GRXCR1: variants seen among roughly 807,000 people sequenced by gnomAD.
The protein encoded by GRXCR1 is glutaredoxin and cysteine rich domain containing 1, also known as glutaredoxin domain-containing cysteine-rich protein 1.
GRXCR1 carries 27 observed loss-of-function variants against 27.3 expected under a neutral mutation model. The ratio of observed to expected loss-of-function variants is 0.99; its 90% CI spans 0.73 to 1.37. The LOEUF is 1.37. Ranked by LOEUF, GRXCR1 falls within the 40% of genes most tolerant of loss-of-function variation. The pLI, the probability that GRXCR1 is intolerant of heterozygous loss-of-function variation, is 0.00. For synonymous variants in GRXCR1, 122 were observed against 131.1 expected, an observed-to-expected ratio of 0.93 and a Z score of 0.47; for missense variants, 379 against 354.4, an observed-to-expected ratio of 1.07 and a Z score of -0.56.
At chr4:42,947,439 C>T (rs1747769787) in intron 1 of GRXCR1, among the ~76,000 whole-genome samples, 1 of 152,126 alleles carries the variant, frequency 6.6e-6, no homozygotes, top group Admixed American at 6.6e-5. Context: ...ATAATAATAT[C>T]TATTGCATAG....
intron 3 of GRXCR1, among the ~76,000 whole-genome samples, chr4:43,024,499 A>G (rs1306770360): frequency 8.4e-5 from 4 of 47,850 alleles, no homozygotes; most frequent in Admixed American, 6.9e-4. Flanking sequence ...GAATCAGGCC[A>G]TGTCATCTGC....
rs16855242 is a variant in GRXCR1 at position 43,026,630 on chromosome 4, C to T, written c.694-3731C>T. Among the ~76,000 whole-genome samples, 1,151 of 152,216 alleles carry T rather than the reference C, an allele frequency of 7.6e-3. 6 individuals carry two copies. The highest frequency in any genetic ancestry group is 0.026 in the African/African-American group (1,091 of 41,540). On this transcript the variant is annotated intron_variant, in intron 3 of 3. Coordinates refer to ENST00000399770, the MANE Select transcript of GRXCR1 (RefSeq NM_001080476.3). ...CATGTTTAGATAATTTGGGAAAAAA[C>T]GGATGCAAATAAACATTGAAAACTA...
chr4:42,989,553 C>T (rs1019643729), intron 2 of GRXCR1, among the ~76,000 whole-genome samples: 7 of 152,276 alleles, frequency 4.6e-5, no homozygotes, highest in Middle Eastern at 3.4e-3. Flanking sequence ...TTACTTCTCC[C>T]TCTATGCTGT....
chr4:42,915,593 A>C (rs1423397319), intron 1 of GRXCR1, among the ~76,000 whole-genome samples: 2 of 152,132 alleles, frequency 1.3e-5, no homozygotes, highest in Non-Finnish European at 2.9e-5. Flanking sequence ...AAAACAACAG[A>C]GTAGCTTGGC....
chr4:43,029,417 T>A (rs1448652862), intron 3 of GRXCR1, among the ~76,000 whole-genome samples: 1 of 152,200 alleles, frequency 6.6e-6, no homozygotes, highest in Admixed American at 6.5e-5. Flanking sequence ...CTGCTGCAAA[T>A]TCCTTTTTTG....
chr4:43,004,216 G>A (rs1358529898), intron 2 of GRXCR1, among the ~76,000 whole-genome samples: 1 of 152,252 alleles, frequency 6.6e-6, no homozygotes, highest in South Asian at 2.1e-4. Flanking sequence ...ATGGTGTTGG[G>A]CCTGTGAGTG....
In GRXCR1 at chr4:42,924,917, G is replaced by A. The variant is rs1472670436; in HGVS notation, c.384+31267G>A. 2.0e-5 allele frequency among the ~76,000 whole-genome samples: 3 copies of A among 151,940 alleles called. No individual in the cohort carries two copies. In the East Asian group the frequency reaches 5.8e-4, roughly 29 times the overall value. On this transcript the variant is annotated intron_variant, in intron 1 of 3. Coordinates refer to ENST00000399770, the MANE Select transcript of GRXCR1 (RefSeq NM_001080476.3). ...GCCAGGCTTCCCAAGACTTTGACAG[G>A]TTTATTGAAATATCTAAATTCCACA... is the stretch of plus-strand genomic sequence containing the variant.
At chr4:42,894,861 G>A (rs1176321466) in intron 1 of GRXCR1, among the ~76,000 whole-genome samples, 1 of 152,084 alleles carries the variant, frequency 6.6e-6, no homozygotes, top group African/African-American at 2.4e-5. Flanking sequence ...TGGCCACCAA[G>A]TTTCACCAAA....
intron 2 of GRXCR1, 117 bp from the exon 3 acceptor site, chr4:43,020,237 G>T: frequency 1.4e-6 from 1 of 732,426 alleles, no homozygotes; most frequent in Non-Finnish European, 2.5e-6. Context: ...CATTTACTCA[G>T]CTCCAAAGGG....
intron 3 of GRXCR1, among the ~76,000 whole-genome samples, chr4:43,026,018 G>C (rs1427285357): frequency 2.7e-5 from 4 of 149,682 alleles, no homozygotes; most frequent in African/African-American, 9.9e-5. Flanking sequence ...TTTACTAATA[G>C]TTACTAATAG....
chr4:42,937,397 G>A lies in GRXCR1; in HGVS notation c.385-25495G>A, dbSNP rs147165013. On this transcript the variant is annotated intron_variant, in intron 1 of 3. Coordinates refer to ENST00000399770, the MANE Select transcript of GRXCR1 (RefSeq NM_001080476.3). ...CTGTTTCTTCAAGGAGCTCTGGTTCGTTTTATTGGAAAATGGTATTAGCAA... is the reference window on the plus strand; with the variant it reads ...CTGTTTCTTCAAGGAGCTCTGGTTCATTTTATTGGAAAATGGTATTAGCAA... Among the ~76,000 whole-genome samples, 343 of 151,788 alleles carry A rather than the reference G, an allele frequency of 2.3e-3. 1 individual carries two copies. The highest frequency in any genetic ancestry group is 8.0e-3 in the African/African-American group (331 of 41,422).
chr4:43,004,931 G>A (rs1384488614), intron 2 of GRXCR1, among the ~76,000 whole-genome samples: 3 of 152,138 alleles, frequency 2.0e-5, no homozygotes, highest in South Asian at 2.1e-4. Flanking sequence ...ATGTGAGAAG[G>A]ACATGAGATT....
chr4:42,900,435 G>A (rs1746434649), intron 1 of GRXCR1, among the ~76,000 whole-genome samples: 1 of 152,098 alleles, frequency 6.6e-6, no homozygotes, highest in Admixed American at 6.6e-5. Context: ...AGCAAATAAA[G>A]TAAATAATAG....
intron 1 of GRXCR1, among the ~76,000 whole-genome samples, chr4:42,957,645 T>G (rs751246888): frequency 3.9e-5 from 6 of 151,922 alleles, no homozygotes; most frequent in South Asian, 4.2e-4. Flanking sequence ...CCTCTGACTA[T>G]GTAGTTTCAA....
At chr4:42,929,414 T>G (rs1471947430) in intron 1 of GRXCR1, among the ~76,000 whole-genome samples, 3 of 151,930 alleles carry the variant, frequency 2.0e-5, no homozygotes, top group African/African-American at 7.2e-5. Context: ...TTAACAAAGA[T>G]GTCATGGAGG....
intron 3 of GRXCR1, among the ~76,000 whole-genome samples, chr4:43,025,803 C>T (rs989760140): frequency 6.6e-6 from 1 of 152,024 alleles, no homozygotes; most frequent in African/African-American, 2.4e-5. Flanking sequence ...GGTGAAACCC[C>T]GTCTCTACTA....
At position 42,984,456 on chromosome 4, in the gene GRXCR1, C is replaced by T. The variant is rs949356254; in HGVS notation, c.627+21322C>T. On this transcript the variant is annotated intron_variant, in intron 2 of 3. Coordinates refer to ENST00000399770, the MANE Select transcript of GRXCR1 (RefSeq NM_001080476.3). Reference sequence around the variant, plus strand: ...GTAATGTCATGTTTTTCTGACTGTTCTTGATCCTTGTGGACATGTGTCAAT... The same window carrying T: ...GTAATGTCATGTTTTTCTGACTGTTTTTGATCCTTGTGGACATGTGTCAAT... 2.0e-5 allele frequency among the ~76,000 whole-genome samples: 3 copies of T among 152,162 alleles called. No individual in the cohort carries two copies. In the South Asian group the frequency reaches 6.2e-4, roughly 32 times the overall value.
chr4:43,011,610 A>G (rs1712752848), intron 2 of GRXCR1, among the ~76,000 whole-genome samples: 1 of 152,136 alleles, frequency 6.6e-6, no homozygotes, highest in Non-Finnish European at 1.5e-5. Flanking sequence ...TCGTTAAACA[A>G]TTTTTAATAA....
In GRXCR1 at chr4:42,893,040, T is replaced by G. The variant is rs1746267946; in HGVS notation, c.-227T>G. Among the ~76,000 whole-genome samples the G allele has an allele frequency of 6.6e-6, 1 of 152,058 alleles. No individual in the cohort carries two copies. Among genetic ancestry groups the G allele is most frequent in the Admixed American group, 6.6e-5 (1 of 15,254 alleles). ...ATTTAATATTTAAAGGCTGAGATCA[T>G]TTTGCGGGTTTTAGTTTAAAGGTAA... is the stretch of plus-strand genomic sequence containing the variant. On this transcript the variant is annotated 5_prime_UTR_variant, in exon 1 of 4. Transcript: ENST00000399770.
Sources: gnomAD v4.1 joint callset for allele counts (sites outside exome capture counted in the v4.1 genomes callset) on GRCh38, gnomAD v4.1.1 for gene constraint, MANE v1.5 for transcripts, NCBI Gene and HGNC (gene_info 2026-07-23, HGNC 2026-07-21) for gene names.